The following PHLPP1 variants were observed in gnomAD, a reference collection of about 807,000 sequenced individuals.
PHLPP1 encodes the protein PH domain leucine-rich repeat-containing protein phosphatase 1.
PHLPP1 carries 42 observed loss-of-function variants against 117.2 expected under a neutral mutation model. The observed-to-expected ratio is 0.36, with a 90% CI of 0.28 to 0.46. The LOEUF (loss-of-function observed/expected upper bound fraction) is 0.46. Ranked by LOEUF, PHLPP1 falls within the 20% of genes least tolerant of loss-of-function variation. The pLI is 1.00. For missense variants in PHLPP1, 2,084 were observed against 2,241.9 expected (o/e 0.93, Z 1.42); for synonymous variants, 1,042 against 970.7 (o/e 1.07, Z -1.37).
chr18:62,776,919 A>T (rs1272241874), intron 1 of PHLPP1, among the ~76,000 whole-genome samples: 1 of 152,186 alleles, frequency 6.6e-6, no homozygotes, highest in Non-Finnish European at 1.5e-5. Context: ...GCTGACTGGT[A>T]TTGTATTGTA....
intron 1 of PHLPP1, among the ~76,000 whole-genome samples, chr18:62,804,764 AGT>A (rs892960080): frequency 1.3e-5 from 2 of 150,202 alleles, no homozygotes; most frequent in African/African-American, 4.9e-5. Context: ...TATAATATAC[AGT>A]GTGTGTGTGT....
chr18:62,822,282 T>G (rs1296083194), intron 1 of PHLPP1, among the ~76,000 whole-genome samples: 4 of 129,202 alleles, frequency 3.1e-5, no homozygotes, highest in East Asian at 2.1e-4. Flanking sequence ...TTTTTTTTGT[T>G]TTTGTTTTTT....
At chr18:62,876,007 A>G (rs910353144) in intron 4 of PHLPP1, among the ~76,000 whole-genome samples, 3 of 152,168 alleles carry the variant, frequency 2.0e-5, no homozygotes, top group Non-Finnish European at 4.4e-5. Context: ...TGCTGGGATT[A>G]CAGGTGTGAG....
chr18:62,885,507 A>C (rs1269525955), intron 4 of PHLPP1, among the ~76,000 whole-genome samples: 8 of 152,138 alleles, frequency 5.3e-5, no homozygotes, highest in Non-Finnish European at 1.2e-4. Flanking sequence ...TAAAAATACA[A>C]AAATTAGCTG....
At chr18:62,821,126 G>C (rs778303239) in intron 1 of PHLPP1, among the ~76,000 whole-genome samples, 6 of 152,112 alleles carry the variant, frequency 3.9e-5, no homozygotes, top group Admixed American at 2.0e-4. Context: ...AGAAAGAAGA[G>C]AATCTCAAAA....
chr18:62,894,336 C>T (rs1442416209), intron 4 of PHLPP1, among the ~76,000 whole-genome samples: 1 of 152,122 alleles, frequency 6.6e-6, no homozygotes, highest in Non-Finnish European at 1.5e-5. Flanking sequence ...GCTGGGATTA[C>T]AGGGGTGCAC....
At chr18:62,792,992 T>A (rs1023574438) in intron 1 of PHLPP1, among the ~76,000 whole-genome samples, 1 of 150,226 alleles carries the variant, frequency 6.7e-6, no homozygotes, top group Non-Finnish European at 1.5e-5. Context: ...CTGGCCAACA[T>A]GGTGTAACCC....
intron 10 of PHLPP1, among the ~76,000 whole-genome samples, chr18:62,940,349 CTTTTCTT>C (rs1568168245): frequency 2.8e-5 from 2 of 72,072 alleles, no homozygotes; most frequent in African/African-American, 1.1e-4. Context: ...CTTTTTCTTT[CTTTTCTT>C]TTTTTTTTTT....
At chr18:62,833,867 T>C (rs1054212242) in intron 2 of PHLPP1, among the ~76,000 whole-genome samples, 3 of 152,216 alleles carry the variant, frequency 2.0e-5, no homozygotes, top group African/African-American at 7.2e-5. Context: ...CATGTTGATA[T>C]GCCTCCTGGT....
chr18:62,822,025 G>A (rs538618141), intron 1 of PHLPP1, among the ~76,000 whole-genome samples: 3 of 152,178 alleles, frequency 2.0e-5, no homozygotes, highest in Non-Finnish European at 4.4e-5. Flanking sequence ...GAGCCCAGGA[G>A]TTTGATGTTA....
At chr18:62,766,076 A>AAAAAAAAATATATATATATATAT in intron 1 of PHLPP1, among the ~76,000 whole-genome samples, 2 of 21,660 alleles carry the variant, frequency 9.2e-5, no homozygotes, top group African/African-American at 3.0e-4. Flanking sequence ...AAAAAAAAAA[A>AAAAAAAAATATATATATATATAT]ATATATATAT....
chr18:62,921,120 C>T (rs1437228335), intron 10 of PHLPP1, among the ~76,000 whole-genome samples: 3 of 152,132 alleles, frequency 2.0e-5, no homozygotes, highest in African/African-American at 7.2e-5. Context: ...TACTTTGGAG[C>T]ATCTTGTTTG....
At position 62,975,524 on chromosome 18, in the gene PHLPP1, C is replaced by A. The variant is rs534833074; in HGVS notation, c.3883C>A (p.Leu1295Ile). Residue 1295 changes from leucine to isoleucine, a missense_variant, in exon 16 of 17, where the codon CTC becomes ATC. Transcript: ENST00000262719. ...SANVGKCQTV[L>I]CRNGKPLPLS... ...TAATGTGGGCAAGTGCCAAACAGTT[C>A]TCTGTCGAAATGGAAAGCCGCTGCC... The A allele has an allele frequency of 6.2e-7, 1 of 1,613,868 alleles. No homozygotes were observed. Among genetic ancestry groups the A allele is most frequent in the African/African-American group, 1.3e-5 (1 of 75,032 alleles).
intron 1 of PHLPP1, among the ~76,000 whole-genome samples, chr18:62,725,499 G>A (rs1449361066): frequency 4.6e-5 from 7 of 152,092 alleles, no homozygotes; most frequent in Non-Finnish European, 8.8e-5. Context: ...CATGTACGCA[G>A]TTCTACCTTT....
At chr18:62,825,387 T>C (rs954259909) in intron 1 of PHLPP1, 3 of 147,688 alleles carry the variant, frequency 2.0e-5, no homozygotes, top group African/African-American at 7.4e-5. Context: ...CCAAATTATA[T>C]ATTATATAAA....
intron 2 of PHLPP1, among the ~76,000 whole-genome samples, chr18:62,831,112 T>G (rs1021764994): frequency 6.6e-6 from 1 of 152,212 alleles, no homozygotes; most frequent in African/African-American, 2.4e-5. Flanking sequence ...TGTTAACTAT[T>G]TTATTGCTAT....
rs1411101217 is a variant in PHLPP1 at position 62,716,054 on chromosome 18, G to A, written c.371G>A (p.Gly124Glu). The A allele has an allele frequency of 6.8e-7, 1 of 1,474,706 alleles. No homozygotes were observed. The highest frequency in any genetic ancestry group is 1.5e-5 in the African/African-American group (1 of 67,540). 91.4% of individuals were successfully genotyped at this position (1,474,706 alleles called of 1,614,324 possible). ...GGANSLLLRR[G>E]RLKRNLSAAA... ...GCCAACTCCCTCCTGCTGAGGAGAGGGCGGCTGAAGAGGAATCTGTCCGCG... is the reference window on the plus strand; with the variant it reads ...GCCAACTCCCTCCTGCTGAGGAGAGAGCGGCTGAAGAGGAATCTGTCCGCG... The change falls in exon 1 of 17, where the codon GGG becomes GAG. Residue 124 changes from glycine (G) to glutamate (E), a missense_variant. This residue lies in a region of PHLPP1 where 719 missense variants were observed against 636.0 expected (regional missense o/e 1.13). Transcript: ENST00000262719. This position sits in a 1 kb window ranked among gnomAD's most constrained non-coding sequence, Gnocchi z 5.7.
intron 1 of PHLPP1, among the ~76,000 whole-genome samples, chr18:62,822,438 C>G (rs949184375): frequency 1.3e-5 from 2 of 151,734 alleles, no homozygotes; most frequent in Non-Finnish European, 2.9e-5. Context: ...CCCGCCACCA[C>G]GCCCAGCTAT....
chr18:62,762,811 A>G (rs1912297830), intron 1 of PHLPP1, among the ~76,000 whole-genome samples: 1 of 152,170 alleles, frequency 6.6e-6, no homozygotes, highest in Non-Finnish European at 1.5e-5. Flanking sequence ...CTTGGTTTTT[A>G]TGATTAATCT....
Sources: allele counts gnomAD v4.1 joint callset (sites outside exome capture counted in the v4.1 genomes callset), GRCh38; gene constraint gnomAD v4.1.1; regional missense constraint gnomAD v4.1.1; non-coding constraint Gnocchi (gnomAD v3.1); transcripts MANE v1.5; gene names NCBI Gene and HGNC (gene_info 2026-07-23, HGNC 2026-07-21).